NPC1L1: variants seen among roughly 807,000 people sequenced by gnomAD.
NPC1L1 encodes the protein NPC1 like intracellular cholesterol transporter 1.
A neutral mutation model predicts 117.0 loss-of-function variants in NPC1L1; 98 were observed. That is an observed-to-expected ratio of 0.84 (90% CI 0.71 to 0.99). NPC1L1 has a LOEUF of 0.99. Ranked by LOEUF, NPC1L1 falls within the 50% of genes least tolerant of loss-of-function variation. The probability of loss-of-function intolerance (pLI) is 0.00; values close to 1 mark genes in which losing one functional copy is unlikely to be tolerated. For synonymous variants in NPC1L1, 729 were observed against 727.6 expected (o/e 1.00, Z -0.03); for missense variants, 1,540 against 1,710.0 (o/e 0.90, Z 1.75).
intron 10 of NPC1L1, among the ~76,000 whole-genome samples, chr7:44,531,140 T>G (rs1168067905): frequency 6.6e-6 from 1 of 152,206 alleles, no homozygotes; most frequent in Non-Finnish European, 1.5e-5. Context: ...CTGATGCATA[T>G]CCAGAGGAGC....
intron 5 of NPC1L1, among the ~76,000 whole-genome samples, chr7:44,535,065 T>G (rs1801830555): frequency 6.6e-6 from 1 of 151,364 alleles, no homozygotes; most frequent in Non-Finnish European, 1.5e-5. Flanking sequence ...AGACCCCATC[T>G]CTACAAAAAC....
chr7:44,517,586 G>T (rs533938875), intron 14 of NPC1L1, among the ~76,000 whole-genome samples: 30 of 152,300 alleles, frequency 2.0e-4, no homozygotes, highest in African/African-American at 7.2e-4. Context: ...GGAGACCCAG[G>T]CCTGACCTTT....
Position 44,534,529 on chromosome 7 carries a change from G to A in NPC1L1, c.2084C>T (p.Ser695Phe), listed in dbSNP as rs139745082. The A allele has an allele frequency of 5.1e-5, 82 of 1,614,058 alleles. No individual in the cohort carries two copies. Among genetic ancestry groups the A allele is most frequent in the Non-Finnish European group, 6.9e-5 (81 of 1,180,040 alleles). ...AGGAACCACTTGCAGGATGACCAGG[G>A]AGGAGCGGATACCCAAGTAGGAGAA... ...GFFSYLGIRS[S>F]LVILQVVPFL... The change falls in exon 6 of 19, where the codon TCC (serine) becomes TTC (phenylalanine). Residue 695 changes from serine (S) to phenylalanine (F), a missense_variant. Physicochemically the swap from Ser to Phe is radical, Grantham distance 155. Coordinates refer to ENST00000381160, the MANE Select transcript of NPC1L1 (RefSeq NM_001101648.2). The surrounding 1 kb of genome is among the most constrained non-coding windows in gnomAD (Gnocchi z 5.2).
At chr7:44,524,999 T>C (rs748715541) in intron 10 of NPC1L1, among the ~76,000 whole-genome samples, 25 of 152,122 alleles carry the variant, frequency 1.6e-4, no homozygotes, top group Non-Finnish European at 1.9e-4. Flanking sequence ...TTGAAATTAC[T>C]GAGTCTGAAG....
Position 44,522,866 on chromosome 7 carries a change from G to A in NPC1L1, c.2638-624C>T, listed in dbSNP as rs575066647. ...GTCTAACAAGCTGGCCTGTGACAAC[G>A]GCCCATATTTGTGTGCACATATAAA... is the stretch of plus-strand genomic sequence containing the variant. On this transcript the variant is annotated intron_variant, in intron 10 of 18. Coordinates refer to ENST00000381160, the MANE Select transcript of NPC1L1 (RefSeq NM_001101648.2). Among the ~76,000 whole-genome samples the A allele has an allele frequency of 3.0e-4, 45 of 150,990 alleles. No individual in the cohort carries two copies. In the South Asian group the frequency reaches 6.9e-3, roughly 23 times the overall value.
At chr7:44,532,339 A>G (rs1336382550) in intron 8 of NPC1L1, 122 bp from the exon 9 acceptor site, 1 of 1,070,910 alleles carries the variant, frequency 9.3e-7, no homozygotes, top group Non-Finnish European at 1.4e-6. Flanking sequence ...TCATGGAGAC[A>G]TACCAGTGTG....
rs146072951 is a variant in NPC1L1 at position 44,535,869 on chromosome 7, C to T, written c.1954G>A (p.Gly652Ser). The part of the protein sequence containing the change: ...VIFLYISLAL[G>S]SYSSWSRVMV... ...ACTCGGCTCCAGCTGGAATAGCTGC[C>T]CAGGGCCAGAGAGATGTACAGGAAT... Residue 652 changes from glycine to serine, a missense_variant, in exon 5 of 19, where the codon GGC becomes AGC. Coordinates refer to ENST00000381160, the MANE Select transcript of NPC1L1 (RefSeq NM_001101648.2). 6.2e-7 allele frequency: 1 copy of T among 1,613,394 alleles called. No homozygotes were observed. Among genetic ancestry groups the T allele is most frequent in the Non-Finnish European group, 8.5e-7 (1 of 1,180,026 alleles).
intron 11 of NPC1L1, 31 bp from the exon 12 acceptor site, chr7:44,521,867 GGCCA>G: frequency 6.2e-7 from 1 of 1,613,550 alleles, no homozygotes; most frequent in Non-Finnish European, 8.5e-7. Flanking sequence ...AGGGTGAAAA[GGCCA>G]GCTGGGCAGG....
At chr7:44,527,791 A>T (rs1767585255) in intron 10 of NPC1L1, among the ~76,000 whole-genome samples, 1 of 152,218 alleles carries the variant, frequency 6.6e-6, no homozygotes, top group African/African-American at 2.4e-5. Context: ...TGCAAAAAAA[A>T]TCATTAGCCT....
chr7:44,516,058 A>C (rs1208160579), intron 17 of NPC1L1, 26 bp downstream of exon 17: 6 of 1,600,464 alleles, frequency 3.7e-6, no homozygotes, highest in Non-Finnish European at 5.1e-6. Flanking sequence ...AGTGGGGCAC[A>C]GGGTGGCCCA....
chr7:44,522,721 A>G (rs1219161391), intron 10 of NPC1L1, among the ~76,000 whole-genome samples: 1 of 152,222 alleles, frequency 6.6e-6, no homozygotes, highest in African/African-American at 2.4e-5. Flanking sequence ...AAGTACACTT[A>G]TGCAGGTACA....
In NPC1L1 at chr7:44,536,563, C is replaced by G. The variant is rs755784900; in HGVS notation, c.1682-135G>C. On this transcript the variant is annotated intron_variant, in intron 3 of 18. Coordinates refer to ENST00000381160, the MANE Select transcript of NPC1L1 (RefSeq NM_001101648.2). The surrounding 1 kb of genome is among the most constrained non-coding windows in gnomAD (Gnocchi z 4.7). ...CTTGCTCCTTCTCCCCCACTCCTTC[C>G]TCATCTGATACATGGCCTTACCTCC... 2.5e-5 allele frequency: 25 copies of G among 1,011,590 alleles called. No homozygotes were observed. The highest frequency in any genetic ancestry group is 3.5e-5 in the Non-Finnish European group (23 of 661,304). The allele number at this position is 1,011,590 out of a possible 1,614,324, so 62.7% of individuals were successfully genotyped here. A position where few individuals can be genotyped will look rare whatever the true frequency, so the allele number is the denominator to read the frequency against.
chr7:44,540,427 TAAG>T (rs776436829), intron 1 of NPC1L1, 85 bp from the exon 2 acceptor site: 201 of 1,243,982 alleles, frequency 1.6e-4, no homozygotes, highest in South Asian at 6.8e-4. Context: ...GGTGTGAGGG[TAAG>T]AAGGACATGG....
intron 10 of NPC1L1, among the ~76,000 whole-genome samples, chr7:44,531,506 A>C (rs1193815790): frequency 6.6e-6 from 1 of 152,250 alleles, no homozygotes; most frequent in Middle Eastern, 3.4e-3. Context: ...GCCATCTCAC[A>C]TGGACAGCCC....
chr7:44,516,467 G>A (rs1033282957), intron 16 of NPC1L1, among the ~76,000 whole-genome samples: 18 of 152,114 alleles, frequency 1.2e-4, no homozygotes, highest in African/African-American at 2.7e-4. Context: ...TTAGCTGGAC[G>A]CAGTGGCACG....
At chr7:44,530,658 CA>C (rs1272516636) in intron 10 of NPC1L1, among the ~76,000 whole-genome samples, 2 of 152,192 alleles carry the variant, frequency 1.3e-5, no homozygotes, top group African/African-American at 4.8e-5. Flanking sequence ...AAAACCTCAG[CA>C]GGGTCTGGCA....
chr7:44,535,472 G>C (rs918038550), intron 5 of NPC1L1, among the ~76,000 whole-genome samples: 2 of 152,082 alleles, frequency 1.3e-5, no homozygotes, highest in South Asian at 2.1e-4. Context: ...TGAGGTTGCA[G>C]TGAGCTAAGA....
chr7:44,535,433 G>A (rs887159103), intron 5 of NPC1L1, among the ~76,000 whole-genome samples: 1 of 151,904 alleles, frequency 6.6e-6, no homozygotes. Flanking sequence ...GGAGGCTGAA[G>A]CAGGAGGATC....
intron 18 of NPC1L1, among the ~76,000 whole-genome samples, chr7:44,515,179 A>AC (rs1390307585): frequency 1.3e-5 from 2 of 151,640 alleles, no homozygotes; most frequent in African/African-American, 4.9e-5. Flanking sequence ...ACATAGGGAG[A>AC]CCCCATCTCT....
Sources: gnomAD v4.1 joint callset for allele counts (sites outside exome capture counted in the v4.1 genomes callset) on GRCh38, gnomAD v4.1.1 for gene constraint, Gnocchi (gnomAD v3.1) non-coding constraint, MANE v1.5 for transcripts, NCBI Gene and HGNC (gene_info 2026-07-23, HGNC 2026-07-21) for gene names.